Variants in ATG7 observed in about 807,000 individuals in gnomAD.
ATG7 encodes autophagy related 7, also known as ubiquitin-like modifier-activating enzyme ATG7.
ATG7 carries 70 observed loss-of-function variants against 82.4 expected under a neutral mutation model. That is an observed-to-expected ratio of 0.85 (90% CI 0.70 to 1.04). ATG7 has a LOEUF of 1.04. Among genes scored for constraint, ATG7 ranks in the 50% least tolerant of loss-of-function variants. The pLI, the probability that ATG7 is intolerant of heterozygous loss-of-function variation, is 0.00. For missense variants in ATG7, 792 were observed against 864.3 expected (o/e 0.92, Z 1.05); for synonymous variants, 287 against 313.0 (o/e 0.92, Z 0.88).
chr3:11,364,015 G>C (rs970182572), intron 17 of ATG7, among the ~76,000 whole-genome samples: 1 of 152,154 alleles, frequency 6.6e-6, no homozygotes, highest in Non-Finnish European at 1.5e-5. Flanking sequence ...ATCTTTGAGA[G>C]CTGACTTTAT....
chr3:11,326,760 G>A (rs1004535738), intron 9 of ATG7, among the ~76,000 whole-genome samples: 1 of 152,206 alleles, frequency 6.6e-6, no homozygotes, highest in African/African-American at 2.4e-5. Flanking sequence ...GTGGCCACAT[G>A]GACCAGAAGA....
chr3:11,535,832 C>T (rs578102521), intron 20 of ATG7, among the ~76,000 whole-genome samples: 2 of 152,330 alleles, frequency 1.3e-5, no homozygotes, highest in South Asian at 4.1e-4. Flanking sequence ...GCTTCGCACC[C>T]TTGCTTGAAT....
intron 20 of ATG7, among the ~76,000 whole-genome samples, chr3:11,522,215 A>G (rs1299883241): frequency 6.6e-6 from 1 of 152,178 alleles, no homozygotes; most frequent in Non-Finnish European, 1.5e-5. Flanking sequence ...CCTTTCAGCT[A>G]GCTGTGCCCT....
At chr3:11,310,774 A>C (rs1167918500) in intron 7 of ATG7, among the ~76,000 whole-genome samples, 3 of 151,960 alleles carry the variant, frequency 2.0e-5, no homozygotes, top group Admixed American at 2.0e-4. Flanking sequence ...CCGGGACTAC[A>C]GGCACCCACC....
chr3:11,503,086 C>G (rs963847827), intron 20 of ATG7, among the ~76,000 whole-genome samples: 3 of 152,148 alleles, frequency 2.0e-5, no homozygotes, highest in African/African-American at 7.2e-5. Flanking sequence ...TGGTCAGGCT[C>G]AAATACCTTC....
intron 19 of ATG7, among the ~76,000 whole-genome samples, chr3:11,415,485 C>T (rs1482482061): frequency 6.6e-6 from 1 of 152,182 alleles, no homozygotes; most frequent in Non-Finnish European, 1.5e-5. Flanking sequence ...TAGCTTAAAA[C>T]ACAAATTGTA....
chr3:11,497,786 G>A (rs1559752689), intron 20 of ATG7, among the ~76,000 whole-genome samples: 1 of 152,068 alleles, frequency 6.6e-6, no homozygotes, highest in Non-Finnish European at 1.5e-5. Context: ...CCCATCTGCT[G>A]TATACATTCA....
chr3:11,357,854 A>T (rs928074152), intron 14 of ATG7, among the ~76,000 whole-genome samples: 3 of 151,888 alleles, frequency 2.0e-5, no homozygotes, highest in East Asian at 3.9e-4. Flanking sequence ...ACTAAAAATT[A>T]AAAAATCAGC....
rs866031682 is a variant in ATG7, at chr3:11,519,544, T to G, written c.2080-35267T>G. ...AAAGGCAGGCAGTGAGAGGAGTTTT[T>G]TTTTTTTTTTTTTTTTTTTTTTTTT... On this transcript the variant is annotated intron_variant, in intron 20 of 20. Transcript: ENST00000693202. Among the ~76,000 whole-genome samples the G allele has an allele frequency of 7.8e-4, 45 of 57,360 alleles. 1 individual carries two copies. Among genetic ancestry groups the G allele is most frequent in the African/African-American group, 1.2e-3 (9 of 7,770 alleles). The allele number at this position is 57,360 out of a possible 152,430, so 37.6% of individuals were successfully genotyped here.
intron 19 of ATG7, among the ~76,000 whole-genome samples, chr3:11,389,440 T>C (rs2078606247): frequency 1.4e-5 from 2 of 144,916 alleles, no homozygotes; most frequent in African/African-American, 5.0e-5. Context: ...GTTAGTGCTT[T>C]TTTTTTTTTT....
At position 11,475,909 on chromosome 3, in the gene ATG7, C is replaced by CACACACACACACACACACACACA. The variant is rs1479988312; in HGVS notation, c.2079+48983_2079+48984insACACACACACACACACACACACA. Reference sequence around the variant, plus strand: ...CACACACACACACACACACACACACCCCCTCCCAGAGTCCGAGCATTCTAG... The same window carrying CACACACACACACACACACACACA: ...CACACACACACACACACACACACACCACACACACACACACACACACACACCCTCCCAGAGTCCGAGCATTCTAG... On this transcript the variant is annotated intron_variant, in intron 20 of 20. Transcript: ENST00000693202. Among the ~76,000 whole-genome samples, 285 of 104,708 alleles carry CACACACACACACACACACACACA rather than the reference C, an allele frequency of 2.7e-3. 3 individuals carry two copies. The highest frequency in any genetic ancestry group is 5.9e-3 in the East Asian group (18 of 3,028). The allele number at this position is 104,708 out of a possible 152,430, so 68.7% of individuals were successfully genotyped here.
At chr3:11,394,791 G>A (rs1427059394) in intron 19 of ATG7, among the ~76,000 whole-genome samples, 1 of 152,148 alleles carries the variant, frequency 6.6e-6, no homozygotes, top group African/African-American at 2.4e-5. Flanking sequence ...TAGTTGCCAG[G>A]TAAAAGCAAT....
chr3:11,276,060 C>T (rs796233649), intron 1 of ATG7, among the ~76,000 whole-genome samples: 7 of 152,318 alleles, frequency 4.6e-5, no homozygotes, highest in African/African-American at 1.7e-4. Flanking sequence ...AGTGTGCCAC[C>T]AAATAGGCCC....
chr3:11,449,141 G>A (rs1432925345), intron 20 of ATG7, among the ~76,000 whole-genome samples: 1 of 152,204 alleles, frequency 6.6e-6, no homozygotes, highest in Non-Finnish European at 1.5e-5. Flanking sequence ...GGAATGCAGC[G>A]TGAGCTTGTA....
At chr3:11,558,477 T>C, downstream of ATG7, 1 of 1,350,832 alleles carries the variant, frequency 7.4e-7, no homozygotes, top group Non-Finnish European at 9.8e-7. Flanking sequence ...CCCCCATGAT[T>C]TTTTTTTTTT....
chr3:11,373,457 T>G (rs892065718), intron 18 of ATG7, among the ~76,000 whole-genome samples: 1 of 152,208 alleles, frequency 6.6e-6, no homozygotes, highest in Non-Finnish European at 1.5e-5. Context: ...CCTGTTTCCC[T>G]TGCTTGCCTG....
intron 20 of ATG7, among the ~76,000 whole-genome samples, chr3:11,454,352 G>T (rs1246186918): frequency 1.3e-5 from 2 of 152,178 alleles, no homozygotes; most frequent in Non-Finnish European, 1.5e-5. Context: ...TCAGAAATGG[G>T]CACATGACCC....
intron 19 of ATG7, among the ~76,000 whole-genome samples, chr3:11,395,771 T>C (rs923470749): frequency 6.6e-6 from 1 of 151,808 alleles, no homozygotes; most frequent in Non-Finnish European, 1.5e-5. Context: ...AAACCCCGTC[T>C]CTACTAAAAA....
intron 20 of ATG7, among the ~76,000 whole-genome samples, chr3:11,460,622 A>T (rs2086215120): frequency 6.6e-6 from 1 of 152,238 alleles, no homozygotes; most frequent in African/African-American, 2.4e-5. Flanking sequence ...CACAGAATTC[A>T]TTCCATAAAA....
Sources: gnomAD v4.1 joint callset for allele counts (sites outside exome capture counted in the v4.1 genomes callset) on GRCh38, gnomAD v4.1.1 for gene constraint, MANE v1.5 for transcripts, NCBI Gene and HGNC (gene_info 2026-07-23, HGNC 2026-07-21) for gene names.